Variants in ANKRD31 observed in about 807,000 individuals in gnomAD.
ANKRD31 encodes ankyrin repeat domain 31.
ANKRD31 carries 147 observed loss-of-function variants against 186.0 expected under a neutral mutation model. That is an observed-to-expected ratio of 0.79 (90% CI 0.69 to 0.91). ANKRD31 has a LOEUF of 0.91. Among genes scored for constraint, ANKRD31 ranks in the 40% least tolerant of loss-of-function variants. The pLI is 0.00. For synonymous variants in ANKRD31, 673 were observed against 736.4 expected (o/e 0.91, Z 1.39); for missense variants, 1,986 against 2,148.8 (o/e 0.92, Z 1.50).
chr5:75,180,235 G>T (rs1754179543), intron 10 of ANKRD31, among the ~76,000 whole-genome samples: 1 of 152,132 alleles, frequency 6.6e-6, no homozygotes, highest in Non-Finnish European at 1.5e-5. Context: ...AATGAAAGAG[G>T]ATACAAACAC....
intron 15 of ANKRD31, among the ~76,000 whole-genome samples, chr5:75,141,625 G>A (rs191116545): frequency 9.5e-4 from 144 of 151,868 alleles, no homozygotes; most frequent in Admixed American, 1.4e-3. Context: ...GTGACAGAGC[G>A]AGACTCCGTT....
intron 11 of ANKRD31, among the ~76,000 whole-genome samples, chr5:75,154,735 C>T (rs984842857): frequency 8.5e-5 from 13 of 152,094 alleles, no homozygotes; most frequent in Admixed American, 3.9e-4. Flanking sequence ...TTAGCAAATA[C>T]ACCAAGAATT....
intron 13 of ANKRD31, 99 bp from the exon 14 acceptor site, chr5:75,147,604 C>G: frequency 1.1e-6 from 1 of 894,738 alleles, no homozygotes; most frequent in Middle Eastern, 3.6e-4. Flanking sequence ...TTGATTCAAA[C>G]TATTATTTTC....
chr5:75,211,552 T>C (rs1197882881), intron 3 of ANKRD31, among the ~76,000 whole-genome samples: 3 of 152,244 alleles, frequency 2.0e-5, no homozygotes, highest in Non-Finnish European at 2.9e-5. Flanking sequence ...TGTTTAACTT[T>C]TTTAAGGAAT....
At chr5:75,114,071 G>A (rs2150074307) in intron 19 of ANKRD31, among the ~76,000 whole-genome samples, 1 of 152,226 alleles carries the variant, frequency 6.6e-6, no homozygotes, top group East Asian at 1.9e-4. Context: ...GTTAAGCTTT[G>A]TGTTTTTGTC....
At position 75,192,650 on chromosome 5, in the gene ANKRD31, C is replaced by T. The variant is rs1324765345; in HGVS notation, c.1408+17G>A. 2.7e-6 allele frequency: 4 copies of T among 1,459,124 alleles called. No homozygotes were observed. Among genetic ancestry groups the T allele is most frequent in the South Asian group, 1.3e-5 (1 of 79,082 alleles). The allele number at this position is 1,459,124 out of a possible 1,614,324, so 90.4% of individuals were successfully genotyped here. ...TTTTTGTAAAAGAAATAGAAAAATACTCAAAATATGCATCACCTTTTTTTC... is the reference window on the plus strand; with the variant it reads ...TTTTTGTAAAAGAAATAGAAAAATATTCAAAATATGCATCACCTTTTTTTC... On this transcript the variant is annotated intron_variant, in intron 9 of 25. Coordinates refer to ENST00000506364, the MANE Select transcript of ANKRD31 (RefSeq NM_001372053.1).
At chr5:75,087,961 A>G (rs1745629287) in intron 23 of ANKRD31, among the ~76,000 whole-genome samples, 1 of 152,110 alleles carries the variant, frequency 6.6e-6, no homozygotes, top group Admixed American at 6.5e-5. Flanking sequence ...CCTTCACATT[A>G]TTTCTATTTT....
At chr5:75,236,405 G>A (rs1416864324) in intron 1 of ANKRD31, among the ~76,000 whole-genome samples, 178 bp downstream of exon 1, 2 of 152,194 alleles carry the variant, frequency 1.3e-5, no homozygotes, top group Non-Finnish European at 2.9e-5. Flanking sequence ...GGTGGGAACA[G>A]ACTGTGTTTG....
At chr5:75,163,540 C>T (rs1752714980) in intron 11 of ANKRD31, among the ~76,000 whole-genome samples, 1 of 152,128 alleles carries the variant, frequency 6.6e-6, no homozygotes, top group Non-Finnish European at 1.5e-5. Context: ...ATGTTGTGTG[C>T]CAGTGTGTTG....
intron 19 of ANKRD31, among the ~76,000 whole-genome samples, chr5:75,113,599 CT>C (rs2150073430): frequency 6.6e-6 from 1 of 152,232 alleles, no homozygotes; most frequent in East Asian, 1.9e-4. Context: ...CTTTAATATA[CT>C]CTCCATACAC....
chr5:75,077,543 G>A (rs898529388), intron 25 of ANKRD31, among the ~76,000 whole-genome samples: 1 of 126,210 alleles, frequency 7.9e-6, no homozygotes, highest in Non-Finnish European at 1.6e-5. Flanking sequence ...AACCTGAATT[G>A]GGTCTGAGGT....
At position 75,195,679 on chromosome 5, in the gene ANKRD31, C is replaced by T; in HGVS notation, c.969G>A (p.Val323=). The change falls in exon 7 of 26, where the codon GTG becomes GTA. Residue 323 remains valine, a synonymous_variant. Coordinates refer to ENST00000506364, the MANE Select transcript of ANKRD31 (RefSeq NM_001372053.1). ...CATTGGTCTGAGACGTATTGAACTC[C>T]ACTTCTAAACATTCATTTCTGGCAA... is the stretch of plus-strand genomic sequence containing the variant. The part of the protein sequence containing the change: ...SLIARNECLE[V]EFNTSQTNED... 1 of 1,536,824 alleles carries T rather than the reference C, an allele frequency of 6.5e-7. No homozygotes were observed. Among genetic ancestry groups the T allele is most frequent in the Non-Finnish European group, 8.7e-7 (1 of 1,146,576 alleles).
rs114086855 is a variant in ANKRD31 at position 75,217,685 on chromosome 5, C to T, written c.288+4564G>A. ...AGATGGGTCTCTTGAAGACAGCATA[C>T]CTCTGGGTCTTACCTCTTTATCCCA... On this transcript the variant is annotated intron_variant, in intron 3 of 25. Coordinates refer to ENST00000506364, the MANE Select transcript of ANKRD31 (RefSeq NM_001372053.1). 4.8e-3 allele frequency among the ~76,000 whole-genome samples: 730 copies of T among 152,226 alleles called. 6 individuals carry two copies. Among genetic ancestry groups the T allele is most frequent in the African/African-American group, 0.017 (686 of 41,534 alleles).
At chr5:75,186,087 G>C (rs1754694042) in intron 10 of ANKRD31, among the ~76,000 whole-genome samples, 1 of 152,106 alleles carries the variant, frequency 6.6e-6, no homozygotes, top group African/African-American at 2.4e-5. Context: ...AAATGTAACA[G>C]AGAATTTTCC....
At chr5:75,181,331 T>C (rs947681901) in intron 10 of ANKRD31, among the ~76,000 whole-genome samples, 22 of 152,092 alleles carry the variant, frequency 1.4e-4, no homozygotes, top group Non-Finnish European at 1.8e-4. Context: ...GTGTGGCGAT[T>C]CCTCAGGGAT....
rs1341814289 is a variant in ANKRD31, at chr5:75,104,887, A to C, written c.4672T>G (p.Cys1558Gly). 2 of 1,537,068 alleles carry C rather than the reference A, an allele frequency of 1.3e-6. No individual in the cohort carries two copies. Among genetic ancestry groups the C allele is most frequent in the Non-Finnish European group, 1.7e-6 (2 of 1,146,886 alleles). The change falls in exon 22 of 26, where the codon TGT becomes GGT. Residue 1558 changes from cysteine to glycine, a missense_variant. Cys to Gly is a radical substitution (Grantham distance 159). Transcript: ENST00000506364. ...CTTCTCACTGCCTCTGAATTTAGAC[A>C]AATGTTGGTATTTTGGCTGTAGTTC... ...TWNYSQNTNICLNSEAVRRGE... is the reference protein window; with the variant it reads ...TWNYSQNTNIGLNSEAVRRGE...
chr5:75,103,045 C>T (rs1014738384), intron 22 of ANKRD31, among the ~76,000 whole-genome samples: 4 of 152,104 alleles, frequency 2.6e-5, no homozygotes, highest in Admixed American at 6.6e-5. Flanking sequence ...TGTTCCTATT[C>T]GGCCATCTTG....
At chr5:75,071,930 A>G (rs909710888) in intron 25 of ANKRD31, among the ~76,000 whole-genome samples, 3 of 152,204 alleles carry the variant, frequency 2.0e-5, no homozygotes, top group African/African-American at 7.2e-5. Flanking sequence ...CTAAGAGGGT[A>G]CACACAAAGC....
intron 22 of ANKRD31, among the ~76,000 whole-genome samples, chr5:75,091,921 C>T (rs866639903): frequency 1.3e-5 from 2 of 152,180 alleles, no homozygotes; most frequent in South Asian, 4.1e-4. Flanking sequence ...TCCCAATCAC[C>T]CTTGCCTTGG....
Sources: allele counts gnomAD v4.1 joint callset (sites outside exome capture counted in the v4.1 genomes callset), GRCh38; gene constraint gnomAD v4.1.1; transcripts MANE v1.5; gene names NCBI Gene and HGNC (gene_info 2026-07-23, HGNC 2026-07-21).